RIMBP2: variants seen among roughly 807,000 people sequenced by gnomAD.
The protein encoded by RIMBP2 is RIMS-binding protein 2.
RIMBP2 carries 48 observed loss-of-function variants against 118.6 expected under a neutral mutation model. The ratio of observed to expected loss-of-function variants is 0.40; its 90% CI spans 0.32 to 0.51. RIMBP2 has a LOEUF of 0.51. RIMBP2 is among the 20% of genes least tolerant of loss of function. The pLI is 0.41. For synonymous variants in RIMBP2, 762 were observed against 742.9 expected, an observed-to-expected ratio of 1.03 and a Z score of -0.42; for missense variants, 1,551 against 1,768.3, an observed-to-expected ratio of 0.88 and a Z score of 2.20.
At chr12:130,686,063 A>ACACCGCC (rs1037963638) in intron 1 of RIMBP2, among the ~76,000 whole-genome samples, 1 of 151,856 alleles carries the variant, frequency 6.6e-6, no homozygotes, top group Non-Finnish European at 1.5e-5. Context: ...CTCACACCGC[A>ACACCGCC]CACCGCCCGG....
chr12:130,584,551 A>T (rs942987759), intron 2 of RIMBP2, among the ~76,000 whole-genome samples: 34 of 150,714 alleles, frequency 2.3e-4, no homozygotes, highest in African/African-American at 8.0e-4. Flanking sequence ...CCACCATCAC[A>T]TCACCACCAT....
At chr12:130,494,537 G>A (rs1266627390) in intron 4 of RIMBP2, among the ~76,000 whole-genome samples, 1 of 151,894 alleles carries the variant, frequency 6.6e-6, no homozygotes, top group Non-Finnish European at 1.5e-5. Context: ...TACTCAGGAA[G>A]CTGAAGAGGG....
chr12:130,599,186 A>G (rs1240702061), intron 2 of RIMBP2, among the ~76,000 whole-genome samples: 1 of 152,248 alleles, frequency 6.6e-6, no homozygotes, highest in Admixed American at 6.5e-5. Context: ...AAAATAGATC[A>G]TCAATTTGTG....
At chr12:130,465,124 GC>G (rs2080338628) in intron 6 of RIMBP2, 2 of 152,232 alleles carry the variant, frequency 1.3e-5, no homozygotes, top group South Asian at 4.1e-4. Flanking sequence ...ATCATCCACT[GC>G]AGGCCTGAGG....
At chr12:130,645,858 C>A (rs186413873) in intron 1 of RIMBP2, among the ~76,000 whole-genome samples, 52 of 152,230 alleles carry the variant, frequency 3.4e-4, no homozygotes, top group African/African-American at 1.2e-3. Context: ...AATCTGAAAC[C>A]AACTCTTTAC....
At chr12:130,674,837 G>T (rs146012627) in intron 1 of RIMBP2, among the ~76,000 whole-genome samples, 43 of 151,982 alleles carry the variant, frequency 2.8e-4, no homozygotes, top group African/African-American at 1.0e-3. Flanking sequence ...TGCTCGGGAC[G>T]GGTCGTATAC....
At chr12:130,618,927 C>T (rs2061129259) in intron 2 of RIMBP2, among the ~76,000 whole-genome samples, 2 of 152,030 alleles carry the variant, frequency 1.3e-5, no homozygotes, top group South Asian at 2.1e-4. Flanking sequence ...GACGAATGTT[C>T]GGACCTCTGT....
chr12:130,491,143 C>G (rs142832808), intron 4 of RIMBP2, among the ~76,000 whole-genome samples: 1 of 152,326 alleles, frequency 6.6e-6, no homozygotes, highest in Non-Finnish European at 1.5e-5. Context: ...CTGAGGATTA[C>G]TAAGTTCTAG....
intron 2 of RIMBP2, among the ~76,000 whole-genome samples, chr12:130,547,338 C>T (rs1164098276): frequency 6.6e-6 from 1 of 152,200 alleles, no homozygotes; most frequent in African/African-American, 2.4e-5. Flanking sequence ...GGGGAAATAT[C>T]TTTTGGGCAC....
At chr12:130,524,459 G>C (rs1056766522) in intron 2 of RIMBP2, among the ~76,000 whole-genome samples, 3 of 152,156 alleles carry the variant, frequency 2.0e-5, no homozygotes, top group Non-Finnish European at 2.9e-5. Context: ...ACAGTGGAGA[G>C]GACACACCAC....
Position 130,469,907 on chromosome 12 carries a change from A to AGC in RIMBP2, c.153+784_153+785dup, listed in dbSNP as rs1448988206. Among the ~76,000 whole-genome samples the AGC allele has an allele frequency of 2.0e-5, 3 of 152,158 alleles. No homozygotes were observed. Among genetic ancestry groups the AGC allele is most frequent in the Admixed American group, 1.3e-4 (2 of 15,278 alleles). On this transcript the variant is annotated intron_variant, in intron 6 of 22. Coordinates refer to ENST00000690449, the MANE Select transcript of RIMBP2 (RefSeq NM_001393629.1). This position sits in a 1 kb window ranked among gnomAD's most constrained non-coding sequence, Gnocchi z 4.8. ...CTTGACTTCGGCAGGTGGGGGCCCC[A>AGC]GCTCACTGTAGCCCAGCCACTGTGC...
chr12:130,554,564 A>G (rs1021358927), intron 2 of RIMBP2, among the ~76,000 whole-genome samples: 5 of 122,430 alleles, frequency 4.1e-5, no homozygotes, highest in Non-Finnish European at 6.9e-5. Flanking sequence ...TAAAAACAAC[A>G]GAAGTTGTCA....
chr12:130,657,668 GGCA>G (rs2136314347), intron 1 of RIMBP2, among the ~76,000 whole-genome samples: 1 of 101,206 alleles, frequency 9.9e-6, no homozygotes, highest in East Asian at 2.8e-4. Flanking sequence ...AGCTGCGGGG[GGCA>G]GTGAGGGCGG....
rs553450457 is a variant in RIMBP2, at chr12:130,634,475, G to T, written c.-351-6019C>A. ...CTCAGGCAGGTTAACAATCACACCC[G>T]AAGTCTCTGACTGGGGGTCTTTGAG... On this transcript the variant is annotated intron_variant, in intron 1 of 22. Transcript: ENST00000690449. 1.9e-4 allele frequency among the ~76,000 whole-genome samples: 29 copies of T among 152,234 alleles called. No individual in the cohort carries two copies. In the South Asian group the frequency reaches 5.6e-3, roughly 29 times the overall value.
At chr12:130,505,864 C>G (rs1476510136) in intron 4 of RIMBP2, among the ~76,000 whole-genome samples, 2 of 65,524 alleles carry the variant, frequency 3.1e-5, no homozygotes, top group Non-Finnish European at 5.5e-5. Context: ...TGGCAACTAT[C>G]CAGAGGCTCC....
intron 2 of RIMBP2, among the ~76,000 whole-genome samples, chr12:130,610,093 C>CG (rs2060422553): frequency 6.6e-6 from 1 of 152,144 alleles, no homozygotes; most frequent in East Asian, 1.9e-4. Flanking sequence ...TCAACCATCA[C>CG]GGGGGGAAAA....
chr12:130,682,149 A>C (rs2064817889), intron 1 of RIMBP2, among the ~76,000 whole-genome samples: 1 of 151,934 alleles, frequency 6.6e-6, no homozygotes, highest in South Asian at 2.1e-4. Flanking sequence ...CGGTGAGGGG[A>C]TGTGACCCAA....
intron 1 of RIMBP2, among the ~76,000 whole-genome samples, chr12:130,666,352 T>C (rs2063915711): frequency 6.6e-6 from 1 of 152,116 alleles, no homozygotes; most frequent in East Asian, 1.9e-4. Flanking sequence ...GGACTCTCTG[T>C]TTACCCACCA....
intron 2 of RIMBP2, among the ~76,000 whole-genome samples, chr12:130,521,418 AGAG>A (rs1273208023): frequency 6.6e-6 from 1 of 152,172 alleles, no homozygotes; most frequent in African/African-American, 2.4e-5. Flanking sequence ...AGGAGGAGGA[AGAG>A]GAGGATTGGG....
Sources: allele counts gnomAD v4.1 joint callset (sites outside exome capture counted in the v4.1 genomes callset), GRCh38; gene constraint gnomAD v4.1.1; non-coding constraint Gnocchi (gnomAD v3.1); transcripts MANE v1.5; gene names NCBI Gene and HGNC (gene_info 2026-07-23, HGNC 2026-07-21).